Variants in APBA1 observed in about 807,000 individuals in gnomAD.
The protein encoded by APBA1 is amyloid-beta A4 precursor protein-binding family A member 1.
Under a neutral mutation model 86.6 loss-of-function variants are expected in APBA1, and 55 were observed. That is an observed-to-expected ratio of 0.64 (90% CI 0.51 to 0.80). The LOEUF (loss-of-function observed/expected upper bound fraction) is 0.80. Ranked by LOEUF, APBA1 falls within the 30% of genes least tolerant of loss-of-function variation. The pLI is 0.00. For missense variants in APBA1, 1,090 were observed against 1,183.0 expected (o/e 0.92, Z 1.15); for synonymous variants, 511 against 493.9 (o/e 1.03, Z -0.46).
At chr9:69,597,160 C>T (rs1277859902) in intron 1 of APBA1, among the ~76,000 whole-genome samples, 1 of 152,228 alleles carries the variant, frequency 6.6e-6, no homozygotes, top group East Asian at 1.9e-4. Flanking sequence ...TATTTCTCCA[C>T]ATCCTCTCCA....
rs186659950 is a variant in APBA1, at chr9:69,548,283, C to A, written c.-69-31004G>T. Among the ~76,000 whole-genome samples, 33 of 152,268 alleles carry A rather than the reference C, an allele frequency of 2.2e-4. No individual in the cohort carries two copies. In the East Asian group the frequency reaches 6.0e-3, roughly 28 times the overall value. On this transcript the variant is annotated intron_variant, in intron 1 of 12. Coordinates refer to ENST00000265381, the MANE Select transcript of APBA1 (RefSeq NM_001163.4). Reference sequence around the variant, plus strand: ...ACCTCAGGGACCTACATTTTGCCAACCTGAATGAGTAAGAAAATGGATCAT... The same window carrying A: ...ACCTCAGGGACCTACATTTTGCCAAACTGAATGAGTAAGAAAATGGATCAT...
chr9:69,513,654 A>G (rs1487092637), intron 2 of APBA1, among the ~76,000 whole-genome samples: 2 of 152,212 alleles, frequency 1.3e-5, no homozygotes, highest in Non-Finnish European at 2.9e-5. Context: ...CAAAGACAGG[A>G]CATGTCTGAG....
intron 1 of APBA1, among the ~76,000 whole-genome samples, chr9:69,573,959 C>A (rs1342833987): frequency 1.3e-5 from 2 of 152,222 alleles, no homozygotes; most frequent in Non-Finnish European, 2.9e-5. Context: ...CCAGTTATGA[C>A]ACCTTCTTTG....
intron 11 of APBA1, among the ~76,000 whole-genome samples, chr9:69,434,774 C>T (rs1475169377): frequency 6.6e-6 from 1 of 150,938 alleles, no homozygotes; most frequent in African/African-American, 2.4e-5. Flanking sequence ...TTTATTATTA[C>T]TAAAATGTCC....
intron 2 of APBA1, among the ~76,000 whole-genome samples, chr9:69,482,603 C>T (rs1017629020): frequency 6.6e-6 from 1 of 150,886 alleles, no homozygotes; most frequent in East Asian, 2.0e-4. Flanking sequence ...TACCATTTGA[C>T]CCAGCCATCC....
chr9:69,546,890 A>G (rs1417921124), intron 1 of APBA1, among the ~76,000 whole-genome samples: 1 of 152,262 alleles, frequency 6.6e-6, no homozygotes, highest in African/African-American at 2.4e-5. Context: ...CCTACTTTAT[A>G]GAGTTACTGC....
intron 1 of APBA1, among the ~76,000 whole-genome samples, chr9:69,616,369 T>C (rs998811981): frequency 1.2e-4 from 18 of 152,354 alleles, no homozygotes; most frequent in African/African-American, 4.3e-4. Flanking sequence ...GCCACAGGGT[T>C]ACAACATGTC....
At chr9:69,608,509 G>A (rs879924143) in intron 1 of APBA1, among the ~76,000 whole-genome samples, 1 of 152,200 alleles carries the variant, frequency 6.6e-6, no homozygotes, top group African/African-American at 2.4e-5. Flanking sequence ...AATGATGGTA[G>A]ACTGAGGAGG....
At chr9:69,444,605 C>T (rs979770313) in intron 10 of APBA1, among the ~76,000 whole-genome samples, 2 of 152,188 alleles carry the variant, frequency 1.3e-5, no homozygotes, top group Admixed American at 6.5e-5. Context: ...TGTGTTTATT[C>T]CTAAATGTCT....
Position 69,450,121 on chromosome 9 carries a change from C to T in APBA1, c.1969-325G>A, listed in dbSNP as rs142644957. ...CTGTCCTCAGTGGCAGGGGATGAGGCTCTGTGGGTGGGTGGTGTGTTATGG... is the reference window on the plus strand; with the variant it reads ...CTGTCCTCAGTGGCAGGGGATGAGGTTCTGTGGGTGGGTGGTGTGTTATGG... On this transcript the variant is annotated intron_variant, in intron 9 of 12. Transcript: ENST00000265381. Among the ~76,000 whole-genome samples the T allele has an allele frequency of 6.0e-3, 838 of 139,276 alleles. 3 individuals carry two copies. Among genetic ancestry groups the T allele is most frequent in the African/African-American group, 0.022 (796 of 36,198 alleles). The allele number at this position is 139,276 out of a possible 152,430, so 91.4% of individuals were successfully genotyped here. A position where few individuals can be genotyped will look rare whatever the true frequency, so the allele number is the denominator to read the frequency against.
At chr9:69,621,051 G>A (rs1014350844) in intron 1 of APBA1, among the ~76,000 whole-genome samples, 48 of 152,190 alleles carry the variant, frequency 3.2e-4, no homozygotes, top group African/African-American at 1.2e-3. Context: ...ACCTCTCAGT[G>A]CTTCAGTTTC....
At position 69,449,628 on chromosome 9, in the gene APBA1, T is replaced by A. The variant is rs374466871; in HGVS notation, c.2137A>T (p.Ser713Cys). ...GTGGACAGAGGCAGGCCCACCAGGCTGGTGCCATTAATGGACATGATCTGG... is the reference window on the plus strand; with the variant it reads ...GTGGACAGAGGCAGGCCCACCAGGCAGGTGCCATTAATGGACATGATCTGG... ...GDQIMSINGT[S>C]LVGLPLSTCQ... Residue 713 changes from serine (S) to cysteine (C), a missense_variant, in exon 10 of 13, where the codon AGC becomes TGC. Physicochemically the swap from Ser to Cys is moderately radical, Grantham distance 112. Transcript: ENST00000265381. 6.2e-7 allele frequency: 1 copy of A among 1,613,936 alleles called. No homozygotes were observed. The highest frequency in any genetic ancestry group is 1.3e-5 in the African/African-American group (1 of 74,906).
intron 1 of APBA1, among the ~76,000 whole-genome samples, chr9:69,592,822 A>C (rs1169225977): frequency 1.3e-5 from 2 of 152,162 alleles, no homozygotes; most frequent in African/African-American, 2.4e-5. Context: ...AACAAACAAA[A>C]AAAGAAGTAG....
intron 2 of APBA1, among the ~76,000 whole-genome samples, chr9:69,482,085 C>A (rs1835520416): frequency 2.0e-5 from 3 of 151,566 alleles, no homozygotes; most frequent in African/African-American, 4.8e-5. Context: ...TCCAAAACAC[C>A]AAAAGCAATG....
intron 1 of APBA1, among the ~76,000 whole-genome samples, chr9:69,519,232 C>G (rs148017976): frequency 1.7e-3 from 260 of 152,276 alleles, no homozygotes; most frequent in Non-Finnish European, 3.4e-3. Context: ...AGAAGCTGTT[C>G]CACCTCAGAT....
chr9:69,599,003 G>A (rs1000157027), intron 1 of APBA1, among the ~76,000 whole-genome samples: 37 of 152,326 alleles, frequency 2.4e-4, no homozygotes, highest in African/African-American at 8.4e-4. Flanking sequence ...CCACCTATAT[G>A]AGGAAGCTAG....
chr9:69,550,576 G>A (rs11139293), intron 1 of APBA1, among the ~76,000 whole-genome samples: 56,014 of 152,068 alleles, frequency 0.37, 12,006 homozygotes, highest in Non-Finnish European at 0.47. Flanking sequence ...AATATTTAGT[G>A]AGCTTCTATT....
chr9:69,430,434 G>C lies in APBA1; in HGVS notation c.*893C>G, dbSNP rs1012342171. ...CCCCCGCCTGCCTGGCCACCTGCCA[G>C]GGAAGGGGCCTTCCAGAGAGGTGGG... On this transcript the variant is annotated 3_prime_UTR_variant, in exon 13 of 13. Transcript: ENST00000265381. The C allele has an allele frequency of 1.3e-5, 2 of 152,270 alleles. No individual in the cohort carries two copies. Among genetic ancestry groups the C allele is most frequent in the Non-Finnish European group, 2.9e-5 (2 of 68,164 alleles). The allele number at this position is 152,270 out of a possible 1,614,324, so 9.4% of individuals were successfully genotyped here.
intron 1 of APBA1, among the ~76,000 whole-genome samples, chr9:69,650,792 T>A (rs1207235292): frequency 6.6e-6 from 1 of 152,186 alleles, no homozygotes; most frequent in Non-Finnish European, 1.5e-5. Flanking sequence ...CATACATCTA[T>A]CCTTGAATTG....
Sources: gnomAD v4.1 joint callset for allele counts (sites outside exome capture counted in the v4.1 genomes callset) on GRCh38, gnomAD v4.1.1 for gene constraint, MANE v1.5 for transcripts, NCBI Gene and HGNC (gene_info 2026-07-23, HGNC 2026-07-21) for gene names.